ADAP2: variants seen among roughly 807,000 people sequenced by gnomAD.
ADAP2 encodes ArfGAP with dual PH domains 2.
Under a neutral mutation model 54.9 loss-of-function variants are expected in ADAP2, and 42 were observed. That is an observed-to-expected ratio of 0.77 (90% CI 0.60 to 0.99). The LOEUF is 0.99. ADAP2 is among the 50% of genes least tolerant of loss of function. The pLI is 0.00. For synonymous variants in ADAP2, 177 were observed against 180.1 expected (o/e 0.98, Z 0.14); for missense variants, 429 against 480.4 (o/e 0.89, Z 1.00).
Position 30,926,816 on chromosome 17 carries a change from T to C in ADAP2, c.226-11T>C, listed in dbSNP as rs201175948. 1,137 of 1,613,536 alleles carry C rather than the reference T, an allele frequency of 7.0e-4. 13 individuals carry two copies. In the Admixed American group the frequency reaches 0.017, roughly 24 times the overall value. ...GTTCTAATATTACCTCAGGTTGCTG[T>C]TGTCTTGCAGTTTATGATCCACAAT... On this transcript the variant is annotated splice_polypyrimidine_tract_variant and intron_variant, in intron 2 of 10. Coordinates refer to ENST00000330889, the MANE Select transcript of ADAP2 (RefSeq NM_018404.3).
At position 30,934,190 on chromosome 17, in the gene ADAP2, C is replaced by T. The variant is rs747832108; in HGVS notation, c.403C>T (p.Arg135Ter). 12 of 1,613,454 alleles carry T rather than the reference C, an allele frequency of 7.4e-6. No homozygotes were observed. The highest frequency in any genetic ancestry group is 6.6e-5 in the South Asian group (6 of 91,054). ...DGETISLPGN[R>*]EGFLWKRGRD... ...TGTCATCCTTGCTGCTTAAGGTAAC[C>T]GAGAAGGATTCCTGTGGAAGCGAGG... is the stretch of plus-strand genomic sequence containing the variant. The change falls in exon 5 of 11, where the codon CGA (arginine) becomes TGA (stop). Residue 135 changes from arginine to a stop codon, truncating the protein, a stop_gained. Coordinates refer to ENST00000330889, the MANE Select transcript of ADAP2 (RefSeq NM_018404.3). LOFTEE classifies it high-confidence loss of function.
chr17:30,938,678 C>A (rs1240763888), intron 5 of ADAP2, among the ~76,000 whole-genome samples: 1 of 152,158 alleles, frequency 6.6e-6, no homozygotes. Flanking sequence ...TAGCCTTCAC[C>A]TTACTCTATT....
At chr17:30,956,957 GT>G (rs1905121807) in intron 10 of ADAP2, 1 of 161,148 alleles carries the variant, frequency 6.2e-6, no homozygotes, top group Non-Finnish European at 1.4e-5. Flanking sequence ...CCTCTCTCCT[GT>G]TCCTCCTCTT....
At chr17:30,938,303 T>C (rs1452354495) in intron 5 of ADAP2, among the ~76,000 whole-genome samples, 1 of 152,194 alleles carries the variant, frequency 6.6e-6, no homozygotes, top group Non-Finnish European at 1.5e-5. Context: ...ATGGGGGCTC[T>C]GTCTTTCTCA....
chr17:30,925,461 G>T (rs1251178215), intron 2 of ADAP2, among the ~76,000 whole-genome samples: 3 of 152,030 alleles, frequency 2.0e-5, no homozygotes, highest in Non-Finnish European at 4.4e-5. Flanking sequence ...AAAGTGCTGG[G>T]ATTACAGGTG....
At chr17:30,946,955 T>C (rs918849496) in intron 6 of ADAP2, among the ~76,000 whole-genome samples, 6 of 152,118 alleles carry the variant, frequency 3.9e-5, no homozygotes, top group Non-Finnish European at 8.8e-5. Flanking sequence ...ATAAGGACTT[T>C]TACTGAGGCA....
rs769309988 is a variant in ADAP2 at position 30,954,509 on chromosome 17, C to T, written c.836C>T (p.Ala279Val). 6.2e-7 allele frequency: 1 copy of T among 1,614,160 alleles called. No individual in the cohort carries two copies. Among genetic ancestry groups the T allele is most frequent in the South Asian group, 1.1e-5 (1 of 91,084 alleles). ...QKEPFKKRWF[A>V]LDCHERRLLY... ...GAACCTTTCAAGAAAAGGTGGTTCG[C>T]CCTGGATTGCCATGAGCGGAGGCTG... Residue 279 changes from alanine to valine, a missense_variant, in exon 9 of 11, where the codon GCC becomes GTC. Physicochemically the swap from Ala to Val is moderately conservative, Grantham distance 64. Transcript: ENST00000330889.
Position 30,944,995 on chromosome 17 carries a change from T to C in ADAP2, c.599T>C (p.Ile200Thr). Residue 200 changes from isoleucine (I) to threonine (T), a missense_variant, in exon 6 of 11, where the codon ATC becomes ACC. Physicochemically the swap from Ile to Thr is moderately conservative, Grantham distance 89. Transcript: ENST00000330889. ...ATAGGGCACCCCCATGGGCTGCAGATCACCTACAGGAGAGATGGCCACACC... is the reference window on the plus strand; with the variant it reads ...ATAGGGCACCCCCATGGGCTGCAGACCACCTACAGGAGAGATGGCCACACC... ...EKIGHPHGLQ[I>T]TYRRDGHTRN... 2 of 1,614,078 alleles carry C rather than the reference T, an allele frequency of 1.2e-6. No homozygotes were observed. Among genetic ancestry groups the C allele is most frequent in the Non-Finnish European group, 1.7e-6 (2 of 1,180,004 alleles).
intron 8 of ADAP2, 39 bp downstream of exon 8, chr17:30,953,389 A>C: frequency 6.3e-7 from 1 of 1,589,808 alleles, no homozygotes; most frequent in Non-Finnish European, 8.6e-7. Flanking sequence ...AATATGGTTT[A>C]ATGTATATAG....
chr17:30,944,149 G>A (rs924063615), intron 5 of ADAP2, among the ~76,000 whole-genome samples: 5 of 152,084 alleles, frequency 3.3e-5, no homozygotes, highest in Non-Finnish European at 5.9e-5. Context: ...CCGAGATCAC[G>A]CCGTTGCACT....
At position 30,958,057 on chromosome 17, in the gene ADAP2, C is replaced by T. The variant is rs11537608; in HGVS notation, c.*188C>T. 11,496 of 626,462 alleles carry T rather than the reference C, an allele frequency of 0.018. 163 individuals carry two copies. The highest frequency in any genetic ancestry group is 0.027 in the Admixed American group (1,092 of 40,008). 38.8% of individuals were successfully genotyped at this position (626,462 alleles called of 1,614,324 possible). ...CCTGGGCCTTCCCCGCAACCCACCT[C>T]GGGGATCTGAGGATCTGGTGCATAG... On this transcript the variant is annotated 3_prime_UTR_variant, in exon 11 of 11. Transcript: ENST00000330889.
At chr17:30,948,683 C>T (rs1248084014) in intron 6 of ADAP2, among the ~76,000 whole-genome samples, 1 of 152,148 alleles carries the variant, frequency 6.6e-6, no homozygotes, top group Admixed American at 6.5e-5. Context: ...ATGAAGGTGG[C>T]CCAGGCTGCT....
chr17:30,926,912 A>G lies in ADAP2; in HGVS notation c.311A>G (p.Asp104Gly). 1 of 1,613,432 alleles carries G rather than the reference A, an allele frequency of 6.2e-7. No homozygotes were observed. Among genetic ancestry groups the G allele is most frequent in the Non-Finnish European group, 8.5e-7 (1 of 1,179,388 alleles). Reference sequence around the variant, plus strand: ...TTCTACTACATCCCCCAGGCCAACGACTGCCTGTGAGTGGGTGATTCCTTA... The same window carrying G: ...TTCTACTACATCCCCCAGGCCAACGGCTGCCTGTGAGTGGGTGATTCCTTA... ...PAFYYIPQAN[D>G]CLVLKEQWIR... The change falls in exon 3 of 11, where the codon GAC becomes GGC. Residue 104 changes from aspartate (D) to glycine (G), a missense_variant. Transcript: ENST00000330889.
intron 7 of ADAP2, among the ~76,000 whole-genome samples, chr17:30,951,950 T>C (rs8067480): frequency 0.21 from 31,553 of 152,164 alleles, 10,284 homozygotes; most frequent in African/African-American, 0.7. Context: ...CCACTGCGCC[T>C]GGCCTAATAT....
intron 6 of ADAP2, 43 bp downstream of exon 6, chr17:30,945,096 C>T (rs774137094): frequency 3.9e-5 from 63 of 1,604,210 alleles, no homozygotes; most frequent in Non-Finnish European, 5.2e-5. Context: ...AGCTCGCACC[C>T]CAGGACTTGG....
Position 30,944,000 on chromosome 17 carries a change from G to T in ADAP2, c.511-907G>T, listed in dbSNP as rs531573492. ...GAGGTCAGGAGTTTGAGACCAGCCC[G>T]GCTAACATGGTGAAACCCCGTTTCT... On this transcript the variant is annotated intron_variant, in intron 5 of 10. Transcript: ENST00000330889. Among the ~76,000 whole-genome samples the T allele has an allele frequency of 7.7e-4, 117 of 151,844 alleles. 1 individual carries two copies. Among genetic ancestry groups the T allele is most frequent in the South Asian group, 1.9e-3 (9 of 4,812 alleles).
intron 6 of ADAP2, 132 bp downstream of exon 6, chr17:30,945,185 T>A: frequency 1.9e-6 from 2 of 1,068,600 alleles, no homozygotes; most frequent in Non-Finnish European, 2.7e-6. Context: ...CCATTTGCCT[T>A]AATCTATCAT....
chr17:30,938,690 C>T (rs1912055714), intron 5 of ADAP2, among the ~76,000 whole-genome samples: 1 of 152,178 alleles, frequency 6.6e-6, no homozygotes, highest in Non-Finnish European at 1.5e-5. Flanking sequence ...TACTCTATTT[C>T]CTATATGTAG....
chr17:30,936,154 T>A (rs539280888), intron 5 of ADAP2, among the ~76,000 whole-genome samples: 1 of 152,244 alleles, frequency 6.6e-6, no homozygotes, highest in Non-Finnish European at 1.5e-5. Flanking sequence ...TTTACTATTT[T>A]ATCTTATTTA....
Sources: gnomAD v4.1 joint callset for allele counts (sites outside exome capture counted in the v4.1 genomes callset) on GRCh38, gnomAD v4.1.1 for gene constraint, MANE v1.5 for transcripts, NCBI Gene and HGNC (gene_info 2026-07-23, HGNC 2026-07-21) for gene names.